RET: variants seen among roughly 807,000 people sequenced by gnomAD.
RET encodes the protein ret proto-oncogene.
In RET, 19 loss-of-function variants were observed where a neutral mutation model predicts 118.3. That is an observed-to-expected ratio of 0.16 (90% CI 0.11 to 0.24). The LOEUF (loss-of-function observed/expected upper bound fraction) is 0.24, where lower values mean the gene tolerates loss of function less well. Ranked by LOEUF, RET falls within the 10% of genes least tolerant of loss-of-function variation. The pLI is 1.00. For missense variants in RET, 1,219 were observed against 1,502.1 expected (o/e 0.81, Z 3.12); for synonymous variants, 597 against 644.1 (o/e 0.93, Z 1.11).
chr10:43,098,917 G>A (rs1837576988), intron 1 of RET, among the ~76,000 whole-genome samples: 1 of 152,178 alleles, frequency 6.6e-6, no homozygotes, highest in Non-Finnish European at 1.5e-5. Flanking sequence ...CCCAGAAGTG[G>A]GATTGGTAGA....
intron 4 of RET, among the ~76,000 whole-genome samples, chr10:43,105,703 G>C (rs1266524987): frequency 2.6e-5 from 4 of 152,098 alleles, no homozygotes; most frequent in Admixed American, 6.5e-5. Context: ...AGCAGGGGCC[G>C]TGGGAGAGTG....
Position 43,077,216 on chromosome 10 carries a change from C to T in RET, c.-43C>T, listed in dbSNP as rs1375725884. 2 of 1,466,976 alleles carry T rather than the reference C, an allele frequency of 1.4e-6. No homozygotes were observed. The highest frequency in any genetic ancestry group is 9.0e-7 in the Non-Finnish European group (1 of 1,111,664). 90.9% of individuals were successfully genotyped at this position (1,466,976 alleles called of 1,614,324 possible). A position where few individuals can be genotyped will look rare whatever the true frequency, so the allele number is the denominator to read the frequency against. On this transcript the variant is annotated 5_prime_UTR_variant, in exon 1 of 20. Coordinates refer to ENST00000355710, the MANE Select transcript of RET (RefSeq NM_020975.6). The stretch of plus-strand genomic sequence containing the variant: ...CACCCGCCATCCAGACCCGCCGGCC[C>T]TAGCCGCAGTCCCTCCAGCCGTGGC...
chr10:43,090,614 AT>A (rs1297166098), intron 1 of RET, among the ~76,000 whole-genome samples: 2 of 152,012 alleles, frequency 1.3e-5, no homozygotes, highest in African/African-American at 4.8e-5. Context: ...GCAAAATTAT[AT>A]TCTGCAACTG....
chr10:43,110,088 C>G (rs755253721), intron 6 of RET, among the ~76,000 whole-genome samples: 18 of 150,684 alleles, frequency 1.2e-4, no homozygotes, highest in Admixed American at 3.3e-4. Context: ...TATCTAAGCT[C>G]CCCGACCACC....
chr10:43,112,298 C>A, intron 8 of RET, 74 bp downstream of exon 8: 1 of 1,453,584 alleles, frequency 6.9e-7, no homozygotes. Flanking sequence ...TGGGGCCCTG[C>A]CAGCCTGGGG....
At chr10:43,102,201 G>C in intron 2 of RET, 141 bp from the exon 3 acceptor site, 1 of 1,036,094 alleles carries the variant, frequency 9.7e-7, no homozygotes, top group Admixed American at 1.9e-5. Flanking sequence ...GTGGCAGGCA[G>C]AGCTGGAACA....
chr10:43,079,946 A>T (rs1837143750), intron 1 of RET, among the ~76,000 whole-genome samples: 1 of 152,086 alleles, frequency 6.6e-6, no homozygotes, highest in African/African-American at 2.4e-5. Context: ...ACTCCAGCTC[A>T]CTAACCCTGT....
At chr10:43,113,481 A>G (rs1837988189) in intron 9 of RET, 75 bp from the exon 10 acceptor site, 1 of 1,497,514 alleles carries the variant, frequency 6.7e-7, no homozygotes, top group Admixed American at 2.2e-5. Context: ...GCTCCTTGGG[A>G]CACTGCCCTG....
chr10:43,112,361 T>G, intron 8 of RET, 137 bp downstream of exon 8: 2 of 1,318,492 alleles, frequency 1.5e-6, no homozygotes, highest in Non-Finnish European at 2.1e-6. Context: ...CATGTGGCTC[T>G]CGATGCCAGC....
chr10:43,079,105 G>A (rs2132511995), intron 1 of RET, among the ~76,000 whole-genome samples: 1 of 152,276 alleles, frequency 6.6e-6, no homozygotes, highest in South Asian at 2.1e-4. Flanking sequence ...TCTTGCGGAC[G>A]CTGCACTTTA....
At position 43,109,121 on chromosome 10, in the gene RET, G is replaced by T. The variant is rs906695652; in HGVS notation, c.1154G>T (p.Gly385Val). The T allele has an allele frequency of 6.2e-7, 1 of 1,613,938 alleles. No homozygotes were observed. Among genetic ancestry groups the T allele is most frequent in the Admixed American group, 1.7e-5 (1 of 60,032 alleles). Reference sequence around the variant, plus strand: ...AATGACTCAGACTTCCAGGGCCCAGGAGCGGGCGTCCTCTTGCTCCACTTC... The same window carrying T: ...AATGACTCAGACTTCCAGGGCCCAGTAGCGGGCGTCCTCTTGCTCCACTTC... The part of the protein sequence containing the change: ...LVNDSDFQGP[G>V]AGVLLLHFNV... Residue 385 changes from glycine (G) to valine (V), a missense_variant, in exon 6 of 20, where the codon GGA becomes GTA. Physicochemically the swap from Gly to Val is moderately radical, Grantham distance 109 (BLOSUM62 -3). Coordinates refer to ENST00000355710, the MANE Select transcript of RET (RefSeq NM_020975.6).
chr10:43,097,038 A>G (rs1208580018), intron 1 of RET, among the ~76,000 whole-genome samples: 1 of 152,154 alleles, frequency 6.6e-6, no homozygotes, highest in African/African-American at 2.4e-5. Context: ...CTGACCCACA[A>G]ATCCCTTTTG....
intron 1 of RET, among the ~76,000 whole-genome samples, chr10:43,080,190 C>T (rs1279477680): frequency 2.0e-5 from 3 of 152,190 alleles, no homozygotes; most frequent in African/African-American, 7.2e-5. Flanking sequence ...AGGAGAAAAC[C>T]AATTAAAAAT....
In RET at chr10:43,104,985, G is replaced by T. The variant is rs1182941467; in HGVS notation, c.659G>T (p.Ser220Ile). The change falls in exon 4 of 20, where the codon AGC becomes ATC. Residue 220 changes from serine to isoleucine, a missense_variant. Ser to Ile is a moderately radical substitution (Grantham distance 142). Coordinates refer to ENST00000355710, the MANE Select transcript of RET (RefSeq NM_020975.6). Reference sequence around the variant, plus strand: ...CTGCCCTTCCGCTGCGCCCCGGACAGCCTGGAGGTGAGCACGCGCTGGGCC... The same window carrying T: ...CTGCCCTTCCGCTGCGCCCCGGACATCCTGGAGGTGAGCACGCGCTGGGCC... The part of the protein sequence containing the change: ...EGLPFRCAPD[S>I]LEVSTRWALD... The T allele has an allele frequency of 8.8e-6, 14 of 1,582,090 alleles. No homozygotes were observed. Among genetic ancestry groups the T allele is most frequent in the Non-Finnish European group, 1.0e-5 (12 of 1,171,324 alleles).
chr10:43,084,759 G>A (rs1229705202), intron 1 of RET, among the ~76,000 whole-genome samples: 2 of 152,178 alleles, frequency 1.3e-5, no homozygotes, highest in Non-Finnish European at 1.5e-5. Flanking sequence ...CCTGGACTCT[G>A]AGGCCACGTT....
intron 6 of RET, among the ~76,000 whole-genome samples, chr10:43,110,852 C>T (rs959158390): frequency 1.2e-4 from 19 of 152,130 alleles, no homozygotes; most frequent in African/African-American, 4.6e-4. Context: ...ATTCCGGCGG[C>T]TTTGTTGTCT....
chr10:43,094,144 A>C (rs78146028), intron 1 of RET, among the ~76,000 whole-genome samples: 14,251 of 151,706 alleles, frequency 0.094, 850 homozygotes, highest in East Asian at 0.21. Flanking sequence ...AACAGTGCTC[A>C]GCATGGGGCT....
rs1453191734 is a variant in RET at position 43,123,709 on chromosome 10, T to A, written c.2840T>A (p.Leu947Gln). Reference sequence around the variant, plus strand: ...GTCCTGCTGTGGGAGATCGTGACCCTAGGGGGAAACCCCTATCCTGGGATT... The same window carrying A: ...GTCCTGCTGTGGGAGATCGTGACCCAAGGGGGAAACCCCTATCCTGGGATT... ...FGVLLWEIVT[L>Q]GGNPYPGIPP... Residue 947 changes from leucine to glutamine, a missense_variant, in exon 17 of 20, where the codon CTA becomes CAA. By Grantham distance (113) the Leu-to-Gln change is moderately radical. Transcript: ENST00000355710. The A allele has an allele frequency of 6.2e-7, 1 of 1,614,158 alleles. No homozygotes were observed.
chr10:43,103,040 G>A (rs117816532), intron 3 of RET, among the ~76,000 whole-genome samples: 597 of 151,210 alleles, frequency 3.9e-3, no homozygotes, highest in Admixed American at 0.01. Flanking sequence ...GCAAAGGTGG[G>A]AGGGTGCCGG....
Sources: allele counts gnomAD v4.1 joint callset (sites outside exome capture counted in the v4.1 genomes callset), GRCh38; gene constraint gnomAD v4.1.1; transcripts MANE v1.5; gene names NCBI Gene and HGNC (gene_info 2026-07-23, HGNC 2026-07-21).